CNTNAP2: variants seen among roughly 807,000 people sequenced by gnomAD.
The protein encoded by CNTNAP2 is contactin associated protein 2.
CNTNAP2 carries 98 observed loss-of-function variants against 155.2 expected under a neutral mutation model. The observed-to-expected ratio is 0.63, with a 90% CI of 0.54 to 0.75. The LOEUF (loss-of-function observed/expected upper bound fraction) is 0.75, where lower values mean the gene tolerates loss of function less well. CNTNAP2 is among the 30% of genes least tolerant of loss of function. CNTNAP2 has a pLI of 0.00. For synonymous variants in CNTNAP2, 651 were observed against 631.2 expected (o/e 1.03, Z -0.47); for missense variants, 1,727 against 1,688.1 (o/e 1.02, Z -0.40).
At chr7:147,427,878 CT>C (rs1049641382) in intron 10 of CNTNAP2, among the ~76,000 whole-genome samples, 1 of 152,014 alleles carries the variant, frequency 6.6e-6, no homozygotes, top group African/African-American at 2.4e-5. Flanking sequence ...TTTATGATGG[CT>C]TTTACTGTTT....
At chr7:147,299,899 G>A (rs1006147362) in intron 8 of CNTNAP2, among the ~76,000 whole-genome samples, 1 of 152,080 alleles carries the variant, frequency 6.6e-6, no homozygotes. Flanking sequence ...TAAGTACACA[G>A]CGGTATTAAT....
intron 13 of CNTNAP2, among the ~76,000 whole-genome samples, chr7:147,692,774 C>G (rs1476048160): frequency 1.3e-5 from 2 of 151,916 alleles, no homozygotes; most frequent in African/African-American, 4.8e-5. Flanking sequence ...TTTTGCGTAC[C>G]TTTTCCTCTA....
chr7:146,438,818 A>G (rs1796279337), intron 1 of CNTNAP2, among the ~76,000 whole-genome samples: 1 of 151,526 alleles, frequency 6.6e-6, no homozygotes, highest in Admixed American at 6.6e-5. Flanking sequence ...TTTAGAGTGG[A>G]CACCAGGGAA....
chr7:147,617,381 C>T (rs115306252), intron 12 of CNTNAP2, among the ~76,000 whole-genome samples: 3,109 of 152,100 alleles, frequency 0.02, 114 homozygotes, highest in African/African-American at 0.071. Flanking sequence ...CTTTGTGTCC[C>T]CAGAGCCTGG....
At chr7:147,566,182 G>C (rs1177066469) in intron 12 of CNTNAP2, among the ~76,000 whole-genome samples, 2 of 150,476 alleles carry the variant, frequency 1.3e-5, no homozygotes, top group Non-Finnish European at 3.0e-5. Flanking sequence ...TGTGGTCCCA[G>C]CTACTTAGGA....
At chr7:147,165,430 A>T in intron 8 of CNTNAP2, among the ~76,000 whole-genome samples, 1 of 151,594 alleles carries the variant, frequency 6.6e-6, no homozygotes, top group African/African-American at 2.4e-5. Context: ...GATTGTGAAG[A>T]TTTTCTCCCA....
intron 1 of CNTNAP2, among the ~76,000 whole-genome samples, chr7:146,652,870 G>A (rs552790732): frequency 1.0e-3 from 159 of 152,230 alleles, no homozygotes; most frequent in Non-Finnish European, 1.5e-3. Flanking sequence ...CTTCGTTGTC[G>A]TGAAGAAGGC....
intron 1 of CNTNAP2, among the ~76,000 whole-genome samples, chr7:146,485,339 T>G (rs928356528): frequency 4.6e-5 from 7 of 152,330 alleles, no homozygotes; most frequent in Admixed American, 3.9e-4. Flanking sequence ...TCACCTGTGC[T>G]ATGTCCTGTG....
At chr7:147,392,531 G>A (rs1172090986) in intron 9 of CNTNAP2, among the ~76,000 whole-genome samples, 15 of 151,860 alleles carry the variant, frequency 9.9e-5, no homozygotes, top group Non-Finnish European at 2.1e-4. Flanking sequence ...CCCTGAGTCC[G>A]CAAAGTCCAT....
Position 147,010,656 on chromosome 7 carries a change from A to G in CNTNAP2, c.403-33251A>G, listed in dbSNP as rs180927410. Among the ~76,000 whole-genome samples the G allele has an allele frequency of 7.2e-4, 109 of 152,294 alleles. 1 individual carries two copies. Among genetic ancestry groups the G allele is most frequent in the Non-Finnish European group, 2.8e-4 (19 of 68,034 alleles). ...ATAAAATAGGAATCTTTCAGTTCAT[A>G]TAGTTATGGACAAAGACATGAGTAA... On this transcript the variant is annotated intron_variant, in intron 3 of 23. Coordinates refer to ENST00000361727, the MANE Select transcript of CNTNAP2 (RefSeq NM_014141.6).
At chr7:147,147,661 C>G (rs1177236655) in intron 8 of CNTNAP2, among the ~76,000 whole-genome samples, 1 of 152,088 alleles carries the variant, frequency 6.6e-6, no homozygotes, top group Admixed American at 6.6e-5. Context: ...TCCTCCTCAT[C>G]ATGTGTTCCT....
At chr7:146,247,333 C>A (rs904580009) in intron 1 of CNTNAP2, among the ~76,000 whole-genome samples, 7 of 151,894 alleles carry the variant, frequency 4.6e-5, no homozygotes, top group Non-Finnish European at 8.8e-5. Flanking sequence ...AGAGGTGGAA[C>A]GAAACTGTAA....
chr7:147,859,439 A>AAG (rs1727698882), intron 13 of CNTNAP2, among the ~76,000 whole-genome samples: 1 of 122,408 alleles, frequency 8.2e-6, no homozygotes, highest in Non-Finnish European at 1.7e-5. Context: ...AAAAAAAAAA[A>AAG]ACATGTCATA....
chr7:147,631,694 G>T (rs1795087937), intron 12 of CNTNAP2, among the ~76,000 whole-genome samples: 4 of 152,088 alleles, frequency 2.6e-5, no homozygotes, highest in Admixed American at 2.6e-4. Context: ...AAAGCCAACT[G>T]ATCTTCAACA....
At chr7:146,911,889 A>G (rs1796291330) in intron 3 of CNTNAP2, among the ~76,000 whole-genome samples, 1 of 152,190 alleles carries the variant, frequency 6.6e-6, no homozygotes, top group Admixed American at 6.5e-5. Flanking sequence ...GTAATTTTCA[A>G]GTATCTCAAA....
chr7:147,572,311 A>G (rs1004867826), intron 12 of CNTNAP2, among the ~76,000 whole-genome samples: 3 of 152,094 alleles, frequency 2.0e-5, no homozygotes, highest in Admixed American at 6.6e-5. Flanking sequence ...TTAAAAAAAA[A>G]AAAGAGAGGA....
intron 4 of CNTNAP2, among the ~76,000 whole-genome samples, chr7:147,060,184 A>T (rs1015826197): frequency 5.7e-5 from 8 of 139,146 alleles, no homozygotes; most frequent in African/African-American, 2.1e-4. Flanking sequence ...TAACAATTTA[A>T]AAAAAAAAAT....
intron 16 of CNTNAP2, among the ~76,000 whole-genome samples, chr7:148,120,615 C>T (rs1184754552): frequency 2.6e-5 from 4 of 152,152 alleles, no homozygotes; most frequent in African/African-American, 9.7e-5. Context: ...CAGAGTTTTC[C>T]AGGTCTTTCC....
intron 18 of CNTNAP2, chr7:148,190,924 T>C (rs1375879300): frequency 6.6e-6 from 1 of 152,036 alleles, no homozygotes; most frequent in Admixed American, 6.6e-5. Flanking sequence ...ATTCAAATCA[T>C]TTTGTAACTC....
Sources: gnomAD v4.1 joint callset for allele counts (sites outside exome capture counted in the v4.1 genomes callset) on GRCh38, gnomAD v4.1.1 for gene constraint, MANE v1.5 for transcripts, NCBI Gene and HGNC (gene_info 2026-07-23, HGNC 2026-07-21) for gene names.